SEC16B: variants seen among roughly 807,000 people sequenced by gnomAD.
SEC16B encodes SEC16 homolog B, endoplasmic reticulum export factor.
A neutral mutation model predicts 141.8 loss-of-function variants in SEC16B; 115 were observed. That is an observed-to-expected ratio of 0.81 (90% CI 0.70 to 0.95). The LOEUF is 0.95. Among genes scored for constraint, SEC16B ranks in the 40% least tolerant of loss-of-function variants. The probability of loss-of-function intolerance (pLI) is 0.00; values close to 1 mark genes in which losing one functional copy is unlikely to be tolerated. For synonymous variants in SEC16B, 493 were observed against 492.5 expected (o/e 1.00, Z -0.01); for missense variants, 1,291 against 1,312.3 (o/e 0.98, Z 0.25).
intron 5 of SEC16B, 128 bp from the exon 6 acceptor site, chr1:177,961,862 A>G: frequency 1.1e-6 from 1 of 897,370 alleles, no homozygotes; most frequent in Non-Finnish European, 1.7e-6. Flanking sequence ...GAGATAATCA[A>G]GTTGATAGGC....
At chr1:177,942,820 A>G (rs1403361980) in intron 15 of SEC16B, among the ~76,000 whole-genome samples, 1 of 152,162 alleles carries the variant, frequency 6.6e-6, no homozygotes, top group Non-Finnish European at 1.5e-5. Context: ...AAGTTCAAAT[A>G]AAAGCTCCAT....
intron 10 of SEC16B, among the ~76,000 whole-genome samples, chr1:177,955,280 A>T (rs1368041823): frequency 4.6e-5 from 7 of 151,766 alleles, no homozygotes; most frequent in African/African-American, 2.4e-5. Flanking sequence ...GGATCACTTG[A>T]GCCCAGGAGT....
intron 25 of SEC16B, 141 bp from the exon 26 acceptor site, chr1:177,930,070 A>C (rs990573770): frequency 3.0e-5 from 23 of 755,840 alleles, no homozygotes; most frequent in Non-Finnish European, 4.7e-5. Flanking sequence ...GCGTACCTCC[A>C]CCCAACCCTT....
chr1:177,929,982 C>G, intron 25 of SEC16B, 53 bp from the exon 26 acceptor site: 2 of 1,578,402 alleles, frequency 1.3e-6, no homozygotes, highest in Non-Finnish European at 1.7e-6. Context: ...CATGACTCTG[C>G]CCGGGGTTGA....
At chr1:177,971,334 C>G (rs1433360900), upstream of SEC16B, 1 of 152,206 alleles carries the variant, frequency 6.6e-6, no homozygotes, top group African/African-American at 2.4e-5. Context: ...CCTGCCTGAG[C>G]CTCCCAAAGT....
intron 14 of SEC16B, 144 bp downstream of exon 14, chr1:177,946,276 C>A: frequency 2.7e-6 from 2 of 737,688 alleles, no homozygotes; most frequent in Non-Finnish European, 4.9e-6. Flanking sequence ...CACAGACCTG[C>A]ACAGATAACA....
intron 10 of SEC16B, among the ~76,000 whole-genome samples, chr1:177,957,386 T>C (rs1652691240): frequency 6.6e-6 from 1 of 152,172 alleles, no homozygotes; most frequent in Non-Finnish European, 1.5e-5. Context: ...TATTTTACCA[T>C]ATCATCTTAA....
chr1:177,948,337 G>C, intron 12 of SEC16B: 1 of 1,304,152 alleles, frequency 7.7e-7, no homozygotes. Context: ...GAGTAGAAGA[G>C]GCCACAGCCT....
rs1228833219 is a variant in SEC16B, at chr1:177,929,630, T to A, written c.*228A>T. 1.6e-5 allele frequency: 9 copies of A among 552,142 alleles called. No homozygotes were observed. The highest frequency in any genetic ancestry group is 2.9e-5 in the Non-Finnish European group (9 of 305,920). The allele number at this position is 552,142 out of a possible 1,614,324, so 34.2% of individuals were successfully genotyped here. A position where few individuals can be genotyped will look rare whatever the true frequency, so the allele number is the denominator to read the frequency against. On this transcript the variant is annotated 3_prime_UTR_variant, in exon 26 of 26. Transcript: ENST00000308284. ...GCAGTCTGCTATTAGACCCAGACTTTCCACCTGATGAAATAATTTCCATCA... is the reference window on the plus strand; with the variant it reads ...GCAGTCTGCTATTAGACCCAGACTTACCACCTGATGAAATAATTTCCATCA...
chr1:177,937,147 C>T (rs1265647393), intron 19 of SEC16B, 67 bp downstream of exon 19: 2 of 1,507,842 alleles, frequency 1.3e-6, no homozygotes, highest in African/African-American at 2.8e-5. Context: ...CCCACCACCT[C>T]CCTTTCCTGC....
chr1:177,974,686 T>C (rs1654100107), upstream of SEC16B, among the ~76,000 whole-genome samples: 1 of 152,078 alleles, frequency 6.6e-6, no homozygotes, highest in African/African-American at 2.4e-5. Flanking sequence ...ATATGGAAAT[T>C]ACGGAAGAGG....
chr1:177,965,416 T>TGTGTGTGTGTG, intron 3 of SEC16B, among the ~76,000 whole-genome samples: 1 of 151,946 alleles, frequency 6.6e-6, no homozygotes, highest in Non-Finnish European at 1.5e-5. Context: ...TGTGTGTGTG[T>TGTGTGTGTGTG]TCAATGTTGA....
chr1:177,966,894 T>C (rs538929552), intron 2 of SEC16B, among the ~76,000 whole-genome samples: 9 of 152,318 alleles, frequency 5.9e-5, no homozygotes, highest in South Asian at 4.1e-4. Flanking sequence ...TTCTTTAGTA[T>C]TTCTTAGGGA....
intron 10 of SEC16B, among the ~76,000 whole-genome samples, chr1:177,957,061 C>T (rs973590061): frequency 1.3e-5 from 2 of 152,098 alleles, no homozygotes; most frequent in African/African-American, 4.8e-5. Flanking sequence ...GATATAGCAG[C>T]AGGAGTATTT....
chr1:177,937,033 C>G (rs543820995), intron 19 of SEC16B, among the ~76,000 whole-genome samples, 181 bp downstream of exon 19: 1 of 152,256 alleles, frequency 6.6e-6, no homozygotes, highest in South Asian at 2.1e-4. Context: ...CAGATGTATG[C>G]AAAGCACCAA....
At chr1:177,978,013 C>G (rs1184241828) in intron 1 of SEC16B, among the ~76,000 whole-genome samples, 1 of 152,166 alleles carries the variant, frequency 6.6e-6, no homozygotes, top group East Asian at 1.9e-4. Context: ...TTGCTCTTCT[C>G]TCTTTCAGGT....
chr1:177,967,791 G>T lies in SEC16B; in HGVS notation c.191C>A (p.Ala64Glu). 2 of 1,613,998 alleles carry T rather than the reference G, an allele frequency of 1.2e-6. No homozygotes were observed. Among genetic ancestry groups the T allele is most frequent in the Admixed American group, 1.7e-5 (1 of 60,026 alleles). The change falls in exon 2 of 26, where the codon GCA (alanine) becomes GAA (glutamate). Residue 64 changes from alanine (A) to glutamate (E), a missense_variant. By Grantham distance (107) the Ala-to-Glu change is moderately radical (BLOSUM62 -1). Transcript: ENST00000308284. Reference protein sequence around the residue: ...GSPQPQQEPRADHQQQPHYAS... With the variant: ...GSPQPQQEPREDHQQQPHYAS... ...ATAATGGGGCTGCTGCTGATGGTCT[G>T]CCCTGGGCTCCTGCTGTGGCTGGGG... is the stretch of plus-strand genomic sequence containing the variant.
At chr1:177,962,356 C>A (rs1448789815) in intron 5 of SEC16B, among the ~76,000 whole-genome samples, 1 of 151,918 alleles carries the variant, frequency 6.6e-6, no homozygotes, top group Non-Finnish European at 1.5e-5. Flanking sequence ...AGGCGTGAGC[C>A]ACCATGCCTG....
chr1:177,946,627 G>C, intron 13 of SEC16B, 96 bp from the exon 14 acceptor site: 1 of 839,950 alleles, frequency 1.2e-6, no homozygotes, highest in Non-Finnish European at 1.9e-6. Context: ...GAGTGGCCTC[G>C]GGGGTCAGAG....
Sources: gnomAD v4.1 joint callset for allele counts (sites outside exome capture counted in the v4.1 genomes callset) on GRCh38, gnomAD v4.1.1 for gene constraint, MANE v1.5 for transcripts, NCBI Gene and HGNC (gene_info 2026-07-23, HGNC 2026-07-21) for gene names.